ZNF483: variants seen among roughly 807,000 people sequenced by gnomAD.
ZNF483 encodes zinc finger protein 483.
ZNF483 carries 9 observed loss-of-function variants against 28.6 expected under a neutral mutation model. The ratio of observed to expected loss-of-function variants is 0.32; its 90% CI spans 0.19 to 0.55. The LOEUF (loss-of-function observed/expected upper bound fraction) is 0.55, where lower values mean the gene tolerates loss of function less well. ZNF483 is among the 20% of genes least tolerant of loss of function. The pLI is 0.93. For missense variants in ZNF483, 675 were observed against 871.7 expected (o/e 0.77, Z 2.84); for synonymous variants, 322 against 306.2 (o/e 1.05, Z -0.54).
At position 111,542,123 on chromosome 9, in the gene ZNF483, G is replaced by A. The variant is rs538025239; in HGVS notation, c.1188G>A (p.Gly396=). The change falls in exon 6 of 6, where the codon GGG becomes GGA. Residue 396 remains glycine (G), a synonymous_variant. Coordinates refer to ENST00000309235, the MANE Select transcript of ZNF483 (RefSeq NM_133464.5). This position sits in a 1 kb window ranked among gnomAD's most constrained non-coding sequence, Gnocchi z 6.2. ...GGTCCCAAAAATGCAGTAAGTGTGGGATAATCTTTATTAGAAGATCAACTC... is the reference window on the plus strand; with the variant it reads ...GGTCCCAAAAATGCAGTAAGTGTGGAATAATCTTTATTAGAAGATCAACTC... ...GDRSQKCSKC[G]IIFIRRSTLS... 6.2e-7 allele frequency: 1 copy of A among 1,614,072 alleles called. No homozygotes were observed. Among genetic ancestry groups the A allele is most frequent in the South Asian group, 1.1e-5 (1 of 91,074 alleles).
At position 111,543,254 on chromosome 9, in the gene ZNF483, C is replaced by T; in HGVS notation, c.*84C>T. On this transcript the variant is annotated 3_prime_UTR_variant, in exon 6 of 6. Coordinates refer to ENST00000309235, the MANE Select transcript of ZNF483 (RefSeq NM_133464.5). Reference sequence around the variant, plus strand: ...TGGGATGTAAACTTACAGTATTGATCAGTAGCTGCAGCTTTCGTAAATTGG... The same window carrying T: ...TGGGATGTAAACTTACAGTATTGATTAGTAGCTGCAGCTTTCGTAAATTGG... The T allele has an allele frequency of 2.7e-6, 4 of 1,482,378 alleles. No homozygotes were observed. In the South Asian group the frequency reaches 4.4e-5, roughly 16 times the overall value. 91.8% of individuals were successfully genotyped at this position (1,482,378 alleles called of 1,614,324 possible).
At chr9:111,538,950 A>G (rs978126985) in intron 5 of ZNF483, among the ~76,000 whole-genome samples, 14 of 151,766 alleles carry the variant, frequency 9.2e-5, no homozygotes, top group Non-Finnish European at 2.9e-5. Flanking sequence ...CATCTCTACT[A>G]AAAAATGCAA....
chr9:111,529,492 C>G (rs1053592653), intron 2 of ZNF483, among the ~76,000 whole-genome samples: 1 of 152,204 alleles, frequency 6.6e-6, no homozygotes, highest in Non-Finnish European at 1.5e-5. Context: ...CTTAAGGAAT[C>G]TGGTGGAGTC....
chr9:111,539,439 T>C (rs1049251190), intron 5 of ZNF483: 2 of 455,960 alleles, frequency 4.4e-6, no homozygotes, highest in African/African-American at 4.0e-5. Flanking sequence ...ATGACTCTGT[T>C]TTTTAGGAAG....
At position 111,548,616 on chromosome 9, in the gene ZNF483, CT is replaced by C. The variant is rs917270154; in HGVS notation, c.*5448del. ...AACTTGCCAATGGCTCTAGCTAGGA[CT>C]TCCAGTACTGTGTTGAATACAAGTA... On this transcript the variant is annotated 3_prime_UTR_variant, in exon 6 of 6. Transcript: ENST00000309235. Among the ~76,000 whole-genome samples, 1 of 152,212 alleles carries C rather than the reference CT, an allele frequency of 6.6e-6. No homozygotes were observed. Among genetic ancestry groups the C allele is most frequent in the Non-Finnish European group, 1.5e-5 (1 of 68,038 alleles).
downstream of ZNF483, among the ~76,000 whole-genome samples, chr9:111,556,578 C>G (rs28796944): frequency 0.025 from 3,808 of 152,328 alleles, 155 homozygotes; most frequent in African/African-American, 0.085. Flanking sequence ...GTCTTCTTTG[C>G]ACCTGCAGGC....
chr9:111,529,789 G>A (rs1005836061), intron 2 of ZNF483, among the ~76,000 whole-genome samples: 10 of 152,152 alleles, frequency 6.6e-5, no homozygotes, highest in African/African-American at 2.4e-4. Flanking sequence ...CTGTTTTAAA[G>A]AGTGGGACAA....
Position 111,542,404 on chromosome 9 carries a change from G to A in ZNF483, c.1469G>A (p.Ser490Asn), listed in dbSNP as rs746423127. 2.5e-6 allele frequency: 4 copies of A among 1,614,044 alleles called. No homozygotes were observed. The East Asian group carries it at 8.9e-5, about 36-fold the overall frequency. Residue 490 changes from serine to asparagine, a missense_variant, in exon 6 of 6, where the codon AGT becomes AAT. Around this residue, in one of 6 missense-constraint regions of ZNF483, gnomAD observed 525 missense variants for 581.8 expected, o/e 0.90. Coordinates refer to ENST00000309235, the MANE Select transcript of ZNF483 (RefSeq NM_133464.5). The surrounding 1 kb of genome is among the most constrained non-coding windows in gnomAD (Gnocchi z 6.2). ...CTCACACCACATCATAGAACTCATA[G>A]TGGAGAGAAACCCTTCAAATGTGAT... is the stretch of plus-strand genomic sequence containing the variant. The part of the protein sequence containing the change: ...SSLTPHHRTH[S>N]GEKPFKCDDC...
rs1032102168 is a variant in ZNF483, at chr9:111,563,419, GA to G, written c.722-12945del. ...CCACTTACACAGTACATGTAAAAAAGATTACAAAGTACACCTAAGAAGAAAT... is the reference window on the plus strand; with the variant it reads ...CCACTTACACAGTACATGTAAAAAAGTTACAAAGTACACCTAAGAAGAAAT... On this transcript the variant is annotated intron_variant, in intron 5 of 5. Coordinates refer to the ZNF483 transcript ENST00000358151. The G allele has an allele frequency of 1.2e-5, 6 of 501,470 alleles. No homozygotes were observed. The East Asian group carries it at 1.8e-4, about 15-fold the overall frequency. 31.1% of individuals were successfully genotyped at this position (501,470 alleles called of 1,614,324 possible). A position where few individuals can be genotyped will look rare whatever the true frequency, so the allele number is the denominator to read the frequency against.
Position 111,541,782 on chromosome 9 carries a change from G to A in ZNF483, c.847G>A (p.Gly283Arg). The A allele has an allele frequency of 1.9e-6, 3 of 1,614,182 alleles. No individual in the cohort carries two copies. Among genetic ancestry groups the A allele is most frequent in the Non-Finnish European group, 2.5e-6 (3 of 1,180,040 alleles). Residue 283 changes from glycine (G) to arginine (R), a missense_variant, in exon 6 of 6, where the codon GGA (glycine) becomes AGA (arginine). By Grantham distance (125) the Gly-to-Arg change is moderately radical. This residue lies in a region of ZNF483 where 525 missense variants were observed against 581.8 expected (regional missense o/e 0.90). Transcript: ENST00000309235. ...EDHGNQGNSK[G>R]RVAQNKTLGS... Reference sequence around the variant, plus strand: ...TCACGGTAATCAGGGAAATTCAAAAGGAAGAGTCGCACAAAACAAAACTCT... The same window carrying A: ...TCACGGTAATCAGGGAAATTCAAAAAGAAGAGTCGCACAAAACAAAACTCT...
intron 3 of ZNF483, 97 bp from the exon 4 acceptor site, chr9:111,533,642 A>AC (rs1827403475): frequency 7.8e-7 from 1 of 1,286,728 alleles, no homozygotes; most frequent in African/African-American, 1.6e-5. Flanking sequence ...GCACTCTAAC[A>AC]CGGGCGACAG....
In ZNF483 at chr9:111,542,885, A is replaced by G. The variant is rs755844000; in HGVS notation, c.1950A>G (p.Leu650=). ...CEKAFPTHSL[L]SRHQRIHTGV... is the part of the protein sequence containing the mutation. The stretch of plus-strand genomic sequence containing the variant: ...AAGCCTTCCCAACCCATTCACTGCT[A>G]AGTCGTCATCAGAGAATTCATACTG... Residue 650 remains leucine, a synonymous_variant, in exon 6 of 6, where the codon CTA becomes CTG. Transcript: ENST00000309235. This position sits in a 1 kb window ranked among gnomAD's most constrained non-coding sequence, Gnocchi z 6.2. 5.0e-6 allele frequency: 8 copies of G among 1,613,980 alleles called. No individual in the cohort carries two copies. Among genetic ancestry groups the G allele is most frequent in the South Asian group, 1.1e-5 (1 of 91,090 alleles).
In ZNF483 at chr9:111,554,743, T is replaced by C. The variant is rs1288280233; in HGVS notation, c.*11573T>C. Among the ~76,000 whole-genome samples, 3 of 152,208 alleles carry C rather than the reference T, an allele frequency of 2.0e-5. No individual in the cohort carries two copies. The highest frequency in any genetic ancestry group is 4.4e-5 in the Non-Finnish European group (3 of 68,034). On this transcript the variant is annotated 3_prime_UTR_variant, in exon 6 of 6. Coordinates refer to ENST00000309235, the MANE Select transcript of ZNF483 (RefSeq NM_133464.5). ...GGAATTTTTTATTTCTGGAATTTTC[T>C]ATTTAAAATTTTGGGGCCAAGATTG...
rs150652471 is a variant in ZNF483 at position 111,575,133 on chromosome 9, T to A, written c.722-1232T>A. Among the ~76,000 whole-genome samples, 342 of 152,216 alleles carry A rather than the reference T, an allele frequency of 2.2e-3. 13 individuals are homozygous for A. In the East Asian group the frequency reaches 0.062, roughly 28 times the overall value. ...CTGGCCAACATGGTAAAATCCTGTC[T>A]CTACTAAAGATACAAAAAATTAGAA... On this transcript the variant is annotated intron_variant, in intron 5 of 5. Coordinates refer to the ZNF483 transcript ENST00000358151.
intron 5 of ZNF483, among the ~76,000 whole-genome samples, chr9:111,537,078 A>G (rs1237391894): frequency 6.6e-6 from 1 of 152,192 alleles, no homozygotes; most frequent in South Asian, 2.1e-4. Context: ...AGCACTTTGT[A>G]TGGGTCCCAT....
chr9:111,537,587 A>G (rs74308677), intron 5 of ZNF483, among the ~76,000 whole-genome samples: 9,832 of 152,060 alleles, frequency 0.065, 442 homozygotes, highest in East Asian at 0.15. Flanking sequence ...TGCCTATGAA[A>G]TTATTACAGT....
chr9:111,530,891 T>G lies in ZNF483; in HGVS notation c.429T>G (p.Asp143Glu). 2 of 1,515,066 alleles carry G rather than the reference T, an allele frequency of 1.3e-6. No homozygotes were observed. Among genetic ancestry groups the G allele is most frequent in the Non-Finnish European group, 1.8e-6 (2 of 1,116,698 alleles). The allele number at this position is 1,515,066 out of a possible 1,614,324, so 93.9% of individuals were successfully genotyped here. A position where few individuals can be genotyped will look rare whatever the true frequency, so the allele number is the denominator to read the frequency against. The change falls in exon 3 of 6, where the codon GAT (aspartate) becomes GAG (glutamate). Residue 143 changes from aspartate (D) to glutamate (E), a missense_variant. This residue lies in a region of ZNF483 where 525 missense variants were observed against 581.8 expected (regional missense o/e 0.90). Transcript: ENST00000309235. ...CTTTCCTAGATCCAGTCTCTCAAGA[T>G]TCTACTGTTTCCCAAGAGGAGAACT... ...MLEEKDPVSQ[D>E]STVSQEENSK...
chr9:111,552,791 TATTAAAATATA>T lies in ZNF483; in HGVS notation c.*9623_*9633del, dbSNP rs1163917046. 2.0e-5 allele frequency among the ~76,000 whole-genome samples: 3 copies of T among 151,910 alleles called. No homozygotes were observed. The highest frequency in any genetic ancestry group is 2.0e-4 in the Admixed American group (3 of 15,230). Reference sequence around the variant, plus strand: ...AAGATTTGAATTAATTGGTCTTTATTATTAAAATATAAATATTCTATTAGCAAAAATATATT... The same window carrying T: ...AAGATTTGAATTAATTGGTCTTTATTAATATTCTATTAGCAAAAATATATT... On this transcript the variant is annotated 3_prime_UTR_variant, in exon 6 of 6. Coordinates refer to ENST00000309235, the MANE Select transcript of ZNF483 (RefSeq NM_133464.5).
chr9:111,576,386 A>G, exon 6 of ZNF483: 2 of 1,614,156 alleles, frequency 1.2e-6, no homozygotes, highest in Non-Finnish European at 1.7e-6. Flanking sequence ...GCAGTAAAAA[A>G]GATGCAGATG....
Sources: allele counts gnomAD v4.1 joint callset (sites outside exome capture counted in the v4.1 genomes callset), GRCh38; gene constraint gnomAD v4.1.1; regional missense constraint gnomAD v4.1.1; non-coding constraint Gnocchi (gnomAD v3.1); transcripts MANE v1.5; gene names NCBI Gene and HGNC (gene_info 2026-07-23, HGNC 2026-07-21).